Variants in INPP5D observed in about 807,000 individuals in gnomAD.
INPP5D encodes the protein inositol polyphosphate-5-phosphatase D, also known as phosphatidylinositol 3,4,5-trisphosphate 5-phosphatase 1.
A neutral mutation model predicts 122.9 loss-of-function variants in INPP5D; 33 were observed. The observed-to-expected ratio is 0.27, with a 90% CI of 0.20 to 0.36. INPP5D has a LOEUF of 0.36. INPP5D is among the 10% of genes least tolerant of loss of function. INPP5D has a pLI of 1.00. For missense variants in INPP5D, 1,053 were observed against 1,412.7 expected, an observed-to-expected ratio of 0.75 and a Z score of 4.08; for synonymous variants, 584 against 576.2, an observed-to-expected ratio of 1.01 and a Z score of -0.19.
rs907872621 is a variant in INPP5D at position 233,078,221 on chromosome 2, C to T, written c.135-1114C>T. Among the ~76,000 whole-genome samples the T allele has an allele frequency of 6.6e-6, 1 of 152,246 alleles. No individual in the cohort carries two copies. The highest frequency in any genetic ancestry group is 1.5e-5 in the Non-Finnish European group (1 of 68,040). On this transcript the variant is annotated intron_variant, in intron 1 of 26. Transcript: ENST00000445964. The surrounding 1 kb of genome is among the most constrained non-coding windows in gnomAD (Gnocchi z 4.6). ...CAGGGTTTCAGCAGGCTGAGGGCCA[C>T]CGCAGTGTGCCCCTCTCCCAAGGTG...
intron 5 of INPP5D, chr2:233,134,285 G>A (rs1693408992): frequency 3.4e-6 from 1 of 297,830 alleles, no homozygotes; most frequent in Non-Finnish European, 6.7e-6. Flanking sequence ...GGATGCATTT[G>A]GGGAATCATG....
chr2:233,147,715 C>T lies in INPP5D; in HGVS notation c.1030+121C>T, dbSNP rs751564839. 2.2e-4 allele frequency: 136 copies of T among 630,340 alleles called. 1 individual carries two copies. In the Middle Eastern group the frequency reaches 3.9e-3, roughly 18 times the overall value. 39.0% of individuals were successfully genotyped at this position (630,340 alleles called of 1,614,324 possible). On this transcript the variant is annotated intron_variant, in intron 9 of 26. Coordinates refer to ENST00000445964, the MANE Select transcript of INPP5D (RefSeq NM_001017915.3). ...TGTCTTCCGCACGCATGCGCGCCTG[C>T]GCTCATGCTTTTGTGTGTGTGTGTG...
intron 3 of INPP5D, among the ~76,000 whole-genome samples, chr2:233,122,583 G>A (rs778883338): frequency 6.6e-6 from 1 of 151,970 alleles, no homozygotes; most frequent in South Asian, 2.1e-4. Context: ...TGGGAGGATC[G>A]CTTGAGGCCA....
At chr2:233,173,767 T>C (rs1015607410) in intron 17 of INPP5D, among the ~76,000 whole-genome samples, 1 of 152,060 alleles carries the variant, frequency 6.6e-6, no homozygotes, top group African/African-American at 2.4e-5. Flanking sequence ...CTCTTGTCTC[T>C]ACTAAAAATA....
chr2:233,128,183 G>C lies in INPP5D; in HGVS notation c.524+2264G>C, dbSNP rs996347381. Among the ~76,000 whole-genome samples, 1 of 152,104 alleles carries C rather than the reference G, an allele frequency of 6.6e-6. No homozygotes were observed. The highest frequency in any genetic ancestry group is 1.5e-5 in the Non-Finnish European group (1 of 68,016). On this transcript the variant is annotated intron_variant, in intron 4 of 26. Coordinates refer to ENST00000445964, the MANE Select transcript of INPP5D (RefSeq NM_001017915.3). The surrounding 1 kb of genome is among the most constrained non-coding windows in gnomAD (Gnocchi z 4.5). ...TGCACTTGAGGGATCTAGGCTGCAC[G>C]CCTCTTAGGAGAATCTAACTAACGC... is the stretch of plus-strand genomic sequence containing the variant.
chr2:233,139,287 G>A (rs1466797297), intron 5 of INPP5D, among the ~76,000 whole-genome samples: 6 of 152,128 alleles, frequency 3.9e-5, no homozygotes, highest in Admixed American at 1.3e-4. Flanking sequence ...CATAAAGCCC[G>A]AGGATTGGAG....
At chr2:233,158,619 G>A (rs993386232) in intron 10 of INPP5D, among the ~76,000 whole-genome samples, 200 bp downstream of exon 10, 1 of 152,156 alleles carries the variant, frequency 6.6e-6, no homozygotes, top group African/African-American at 2.4e-5. Context: ...CACTGTCTCA[G>A]GAGTAGGGAG....
chr2:233,096,494 A>G (rs987623844), intron 2 of INPP5D, among the ~76,000 whole-genome samples: 1 of 152,154 alleles, frequency 6.6e-6, no homozygotes, highest in Admixed American at 6.5e-5. Context: ...TCTACTAAAA[A>G]TACAAAAATT....
Position 233,131,953 on chromosome 2 carries a change from C to T in INPP5D, c.665+1305C>T, listed in dbSNP as rs193239226. Among the ~76,000 whole-genome samples the T allele has an allele frequency of 6.5e-3, 988 of 152,290 alleles. 2 individuals carry two copies. The highest frequency in any genetic ancestry group is 9.5e-3 in the Non-Finnish European group (647 of 68,020). ...CTTTTAAAAGCACGATCAGTACATT[C>T]GGTAAATTTAACAAATAATTTCTTT... On this transcript the variant is annotated intron_variant, in intron 5 of 26. Transcript: ENST00000445964.
In INPP5D at chr2:233,183,864, A is replaced by T. The variant is rs149930789; in HGVS notation, c.2162-544A>T. On this transcript the variant is annotated intron_variant, in intron 19 of 26. Coordinates refer to ENST00000445964, the MANE Select transcript of INPP5D (RefSeq NM_001017915.3). The surrounding 1 kb of genome is among the most constrained non-coding windows in gnomAD (Gnocchi z 4.6). Reference sequence around the variant, plus strand: ...CAAAATTTCTATGAAAGGACAGAACACTTGTTTAAAAGCAGCTTAAGGATG... The same window carrying T: ...CAAAATTTCTATGAAAGGACAGAACTCTTGTTTAAAAGCAGCTTAAGGATG... Among the ~76,000 whole-genome samples the T allele has an allele frequency of 6.5e-4, 99 of 152,354 alleles. No homozygotes were observed. The highest frequency in any genetic ancestry group is 2.3e-3 in the African/African-American group (94 of 41,592).
chr2:233,176,361 G>A (rs1369209042), intron 17 of INPP5D, among the ~76,000 whole-genome samples: 3 of 49,108 alleles, frequency 6.1e-5, no homozygotes, highest in South Asian at 7.7e-4. Context: ...GGATGGATAG[G>A]CGAATGGATA....
intron 4 of INPP5D, 105 bp from the exon 5 acceptor site, chr2:233,130,403 G>C: frequency 7.9e-7 from 1 of 1,260,178 alleles, no homozygotes. Flanking sequence ...TGTCCCCTTG[G>C]AGGCTCTGAG....
At chr2:233,108,153 G>T (rs1574732070) in intron 2 of INPP5D, among the ~76,000 whole-genome samples, 1 of 152,284 alleles carries the variant, frequency 6.6e-6, no homozygotes, top group Middle Eastern at 3.4e-3. Context: ...AGCCCGAGTG[G>T]CTTGCGTCTG....
chr2:233,187,216 G>A (rs1171679679), intron 21 of INPP5D, among the ~76,000 whole-genome samples: 1 of 152,150 alleles, frequency 6.6e-6, no homozygotes, highest in Non-Finnish European at 1.5e-5. Context: ...TACTGAAACT[G>A]CTTTTGTGGA....
Position 233,207,046 on chromosome 2 carries a change from ATAATAATAT to A in INPP5D, c.*347_*355del, listed in dbSNP as rs1695527649. The A allele has an allele frequency of 4.1e-6, 1 of 241,418 alleles. No individual in the cohort carries two copies. Among genetic ancestry groups the A allele is most frequent in the Non-Finnish European group, 8.2e-6 (1 of 122,680 alleles). The allele number at this position is 241,418 out of a possible 1,614,324, so 15.0% of individuals were successfully genotyped here. A position where few individuals can be genotyped will look rare whatever the true frequency, so the allele number is the denominator to read the frequency against. On this transcript the variant is annotated 3_prime_UTR_variant, in exon 27 of 27. Coordinates refer to ENST00000445964, the MANE Select transcript of INPP5D (RefSeq NM_001017915.3). This position sits in a 1 kb window ranked among gnomAD's most constrained non-coding sequence, Gnocchi z 4.6. ...CGATTTGAGGGTGGAGATATAGATA[ATAATAATAT>A]TAATAATAATAATGGCCACATGGAT...
Position 233,170,405 on chromosome 2 carries a change from G to T in INPP5D, c.1792-91G>T. 1 of 1,567,710 alleles carries T rather than the reference G, an allele frequency of 6.4e-7. No individual in the cohort carries two copies. The highest frequency in any genetic ancestry group is 8.7e-7 in the Non-Finnish European group (1 of 1,155,516). On this transcript the variant is annotated intron_variant, in intron 15 of 26. Transcript: ENST00000445964. This position sits in a 1 kb window ranked among gnomAD's most constrained non-coding sequence, Gnocchi z 4.5. The stretch of plus-strand genomic sequence containing the variant: ...CTGCCACCATCACTCTGCAGCCCGG[G>T]TCATCCAGCTGCCCGCCCCCAGCCC...
In INPP5D at chr2:233,144,385, C is replaced by T. The variant is rs1284671070; in HGVS notation, c.754-1777C>T. On this transcript the variant is annotated intron_variant, in intron 6 of 26. Coordinates refer to ENST00000445964, the MANE Select transcript of INPP5D (RefSeq NM_001017915.3). Reference sequence around the variant, plus strand: ...TGGTGAGGGTGGAGGTGGTCATGATCACGGTGGGAGTGATAGGGGTGGAGA... The same window carrying T: ...TGGTGAGGGTGGAGGTGGTCATGATTACGGTGGGAGTGATAGGGGTGGAGA... Among the ~76,000 whole-genome samples, 578 of 103,960 alleles carry T rather than the reference C, an allele frequency of 5.6e-3. 5 individuals carry two copies. The highest frequency in any genetic ancestry group is 0.021 in the African/African-American group (555 of 26,732). The allele number at this position is 103,960 out of a possible 152,430, so 68.2% of individuals were successfully genotyped here.
At chr2:233,063,902 G>C (rs986445530) in intron 1 of INPP5D, among the ~76,000 whole-genome samples, 3 of 152,280 alleles carry the variant, frequency 2.0e-5, no homozygotes, top group Non-Finnish European at 2.9e-5. Flanking sequence ...AGGGGACGTT[G>C]GGTACATCGT....
chr2:233,166,854 C>T (rs111974734), intron 13 of INPP5D, among the ~76,000 whole-genome samples: 7,437 of 151,980 alleles, frequency 0.049, 615 homozygotes, highest in African/African-American at 0.17. Flanking sequence ...TGTGGTGGTG[C>T]GCACCTGTAA....
Sources: allele counts gnomAD v4.1 joint callset (sites outside exome capture counted in the v4.1 genomes callset), GRCh38; gene constraint gnomAD v4.1.1; non-coding constraint Gnocchi (gnomAD v3.1); transcripts MANE v1.5; gene names NCBI Gene and HGNC (gene_info 2026-07-23, HGNC 2026-07-21).